RALGDS: variants seen among roughly 807,000 people sequenced by gnomAD.
The protein encoded by RALGDS is ral guanine nucleotide exchange factor.
In RALGDS, 44 loss-of-function variants were observed where a neutral mutation model predicts 99.8. The observed-to-expected ratio is 0.44, with a 90% CI of 0.35 to 0.57. The LOEUF is 0.57. Among genes scored for constraint, RALGDS ranks in the 20% least tolerant of loss-of-function variants. RALGDS has a pLI of 0.01. For synonymous variants in RALGDS, 529 were observed against 505.0 expected (o/e 1.05, Z -0.64); for missense variants, 1,022 against 1,203.1 (o/e 0.85, Z 2.23).
In RALGDS at chr9:133,126,273, C is replaced by T. The variant is rs531088716; in HGVS notation, c.132+4679G>A. 7.6e-4 allele frequency among the ~76,000 whole-genome samples: 116 copies of T among 152,074 alleles called. 2 individuals are homozygous for T. Among genetic ancestry groups the T allele is most frequent in the Admixed American group, 4.5e-3 (68 of 15,268 alleles). On this transcript the variant is annotated intron_variant, in intron 1 of 17. Transcript: ENST00000372062. ...TTTCCTTGGGGGCTACAACCACAAG[C>T]CCCTGGAGAGCACGGCTGCACAGAC...
chr9:133,148,843 T>C, intron 1 of RALGDS: 1 of 1,289,624 alleles, frequency 7.8e-7, no homozygotes. Flanking sequence ...GACGCGGAGC[T>C]GCGTAAGCGC....
chr9:133,102,354 G>T, intron 14 of RALGDS, 122 bp downstream of exon 14: 2 of 1,210,686 alleles, frequency 1.7e-6, no homozygotes, highest in East Asian at 2.4e-5. Context: ...CCAGTCTCAG[G>T]GCCAGTCAGC....
chr9:133,110,777 T>C (rs1252541442), intron 2 of RALGDS, among the ~76,000 whole-genome samples: 1 of 152,118 alleles, frequency 6.6e-6, no homozygotes, highest in Admixed American at 6.5e-5. Context: ...AAAAATTGTT[T>C]ACAAAACTTA....
chr9:133,141,547 T>A (rs2119271199), intron 1 of RALGDS, among the ~76,000 whole-genome samples: 1 of 146,050 alleles, frequency 6.8e-6, no homozygotes, highest in South Asian at 2.1e-4. Flanking sequence ...GCTTCTAGGA[T>A]GCCCAGCAAT....
rs35831936 is a variant in RALGDS, at chr9:133,102,013, G to C, written c.2136C>G (p.Ala712=). 3 of 1,552,988 alleles carry C rather than the reference G, an allele frequency of 1.9e-6. No homozygotes were observed. The highest frequency in any genetic ancestry group is 1.2e-5 in the South Asian group (1 of 84,194). Residue 712 remains alanine (A), a synonymous_variant, in exon 15 of 18, where the codon GCC becomes GCG. Coordinates refer to ENST00000372050, the MANE Select transcript of RALGDS (RefSeq NM_006266.4). ...CCTCCACGTCGGAGCTAGAGGAGCCGGCCGAGTGCACGCTGAGCGCGTCAG... is the reference window on the plus strand; with the variant it reads ...CCTCCACGTCGGAGCTAGAGGAGCCCGCCGAGTGCACGCTGAGCGCGTCAG... ...DIADALSVHS[A]GSSSSDVEEI...
At position 133,102,061 on chromosome 9, in the gene RALGDS, G is replaced by A; in HGVS notation, c.2088C>T (p.Pro696=). The change falls in exon 15 of 18, where the codon CCC becomes CCT. Residue 696 remains proline (P), a synonymous_variant. Coordinates refer to ENST00000372050, the MANE Select transcript of RALGDS (RefSeq NM_006266.4). ...SKSCDQLRCG[P]YLSSGDIADA... is the part of the protein sequence containing the mutation. ...CAGCGATGTCCCCGCTGCTGAGGTA[G>A]GGGCCACACCTGAGCTGGTCACAGG... 6.4e-7 allele frequency: 1 copy of A among 1,566,470 alleles called. No individual in the cohort carries two copies. Among genetic ancestry groups the A allele is most frequent in the Non-Finnish European group, 8.7e-7 (1 of 1,155,166 alleles).
chr9:133,108,497 TC>T, intron 5 of RALGDS, 91 bp from the exon 6 acceptor site: 7 of 1,443,902 alleles, frequency 4.8e-6, no homozygotes, highest in Non-Finnish European at 4.7e-6. Context: ...GAAGCCTCTC[TC>T]CCCGAACCCA....
At chr9:133,123,813 CAG>C (rs1196327764), upstream of RALGDS, among the ~76,000 whole-genome samples, 2 of 47,008 alleles carry the variant, frequency 4.3e-5, 1 homozygote, top group East Asian at 1.4e-3. Flanking sequence ...GAGACACACA[CAG>C]AGAGACAGAG....
intron 1 of RALGDS, among the ~76,000 whole-genome samples, chr9:133,137,211 C>T (rs988587878): frequency 1.8e-4 from 27 of 152,200 alleles, no homozygotes; most frequent in African/African-American, 5.8e-4. Context: ...CCAGCCTGGG[C>T]GACAGAGCAA....
chr9:133,119,590 C>T (rs535848264), intron 1 of RALGDS, among the ~76,000 whole-genome samples: 3 of 152,052 alleles, frequency 2.0e-5, no homozygotes, highest in East Asian at 1.9e-4. Context: ...GTGAGCGCTC[C>T]GCCGGACCCT....
At chr9:133,110,550 A>G (rs1424349359) in intron 2 of RALGDS, 61 bp from the exon 3 acceptor site, 13 of 1,458,054 alleles carry the variant, frequency 8.9e-6, no homozygotes, top group African/African-American at 1.4e-5. Context: ...CCTGGAGCTC[A>G]GATGGAACCC....
chr9:133,124,741 C>T (rs540038313), upstream of RALGDS, among the ~76,000 whole-genome samples: 9 of 152,344 alleles, frequency 5.9e-5, no homozygotes, highest in South Asian at 1.2e-3. Flanking sequence ...ATTCATGGGA[C>T]GCCTCCTGCA....
intron 1 of RALGDS, chr9:133,129,445 C>A: frequency 1.4e-6 from 2 of 1,395,332 alleles, no homozygotes; most frequent in Non-Finnish European, 1.9e-6. Context: ...GCGTGGCTGT[C>A]ATACCTGCTG....
intron 1 of RALGDS, among the ~76,000 whole-genome samples, chr9:133,126,403 C>T (rs1031552653): frequency 1.3e-5 from 2 of 152,198 alleles, no homozygotes; most frequent in African/African-American, 2.4e-5. Flanking sequence ...GTTTGGCTTG[C>T]GAAGTGTTTT....
At chr9:133,104,128 C>A in intron 10 of RALGDS, 135 bp downstream of exon 10, 1 of 948,822 alleles carries the variant, frequency 1.1e-6, no homozygotes, top group South Asian at 1.4e-5. Context: ...CCAGCTGATC[C>A]AGGTGTGGCT....
chr9:133,108,003 A>C lies in RALGDS; in HGVS notation c.1182T>G (p.Phe394Leu). Residue 394 changes from phenylalanine (F) to leucine (L), a missense_variant, in exon 6 of 18, where the codon TTT becomes TTG. Phe to Leu is a conservative substitution (Grantham distance 22). This residue lies in a region of RALGDS where 825 missense variants were observed against 994.5 expected (regional missense o/e 0.83). Transcript: ENST00000372050. ...AGCTGCTCACCGCATCCATCAGTGT[A>C]AACTGCTCTGCCACCAGATCTGGAG... ...VFPPDLVAEQ[F>L]TLMDAELFKK... 6.2e-7 allele frequency: 1 copy of C among 1,613,308 alleles called. No homozygotes were observed. The highest frequency in any genetic ancestry group is 8.5e-7 in the Non-Finnish European group (1 of 1,180,032).
At position 133,108,653 on chromosome 9, in the gene RALGDS, C is replaced by A. The variant is rs1564235820; in HGVS notation, c.778+20G>T. On this transcript the variant is annotated intron_variant, in intron 5 of 17. Transcript: ENST00000372050. Reference sequence around the variant, plus strand: ...ACCCCTCCTCATTCACCCTCTGGCACCCACCCCAGTCCTCCTCACCCTCAG... The same window carrying A: ...ACCCCTCCTCATTCACCCTCTGGCAACCACCCCAGTCCTCCTCACCCTCAG... 21 of 1,612,382 alleles carry A rather than the reference C, an allele frequency of 1.3e-5. No homozygotes were observed. Among genetic ancestry groups the A allele is most frequent in the Non-Finnish European group, 1.7e-5 (20 of 1,179,712 alleles).
At chr9:133,119,256 G>C (rs1304387408) in intron 1 of RALGDS, among the ~76,000 whole-genome samples, 2 of 152,200 alleles carry the variant, frequency 1.3e-5, no homozygotes, top group Non-Finnish European at 2.9e-5. Context: ...ATAGACACCA[G>C]GAAACCAGCC....
intron 1 of RALGDS, among the ~76,000 whole-genome samples, chr9:133,147,434 G>A (rs1279542055): frequency 6.6e-6 from 1 of 152,166 alleles, no homozygotes; most frequent in Non-Finnish European, 1.5e-5. Flanking sequence ...AGGCCCCCCT[G>A]GGTCACTTTC....
Sources: gnomAD v4.1 joint callset for allele counts (sites outside exome capture counted in the v4.1 genomes callset) on GRCh38, gnomAD v4.1.1 for gene constraint, gnomAD v4.1.1 regional missense constraint, MANE v1.5 for transcripts, NCBI Gene and HGNC (gene_info 2026-07-23, HGNC 2026-07-21) for gene names.